The following LAMA2 variants were observed in gnomAD, a reference collection of about 807,000 sequenced individuals.
LAMA2 encodes laminin subunit alpha-2.
In LAMA2, 269 loss-of-function variants were observed where a neutral mutation model predicts 364.8. The observed-to-expected ratio is 0.74, with a 90% CI of 0.67 to 0.82. The LOEUF is 0.82. Among genes scored for constraint, LAMA2 ranks in the 40% least tolerant of loss-of-function variants. The probability of loss-of-function intolerance (pLI) is 0.00; values close to 1 mark genes in which losing one functional copy is unlikely to be tolerated. For missense variants in LAMA2, 3,807 were observed against 3,873.2 expected (o/e 0.98, Z 0.45); for synonymous variants, 1,379 against 1,370.6 (o/e 1.01, Z -0.14).
chr6:129,420,933 T>A (rs569710117), intron 40 of LAMA2, among the ~76,000 whole-genome samples: 1 of 152,308 alleles, frequency 6.6e-6, no homozygotes, highest in African/African-American at 2.4e-5. Flanking sequence ...TGTTTGTCTT[T>A]CCTCTTCCCT....
At chr6:128,961,661 G>T (rs1781530719) in intron 1 of LAMA2, among the ~76,000 whole-genome samples, 2 of 151,776 alleles carry the variant, frequency 1.3e-5, no homozygotes, top group South Asian at 4.2e-4. Context: ...TGATTAGATT[G>T]TGCCCACCAG....
At chr6:129,489,217 A>G (rs557509825) in intron 56 of LAMA2, among the ~76,000 whole-genome samples, 22 of 152,192 alleles carry the variant, frequency 1.4e-4, no homozygotes, top group Non-Finnish European at 3.1e-4. Context: ...TTTTCCTAAA[A>G]TCCTGGACAA....
chr6:129,477,105 T>A (rs1464467232), intron 53 of LAMA2, among the ~76,000 whole-genome samples: 2 of 152,226 alleles, frequency 1.3e-5, no homozygotes, highest in Non-Finnish European at 2.9e-5. Context: ...CGATGCTGAT[T>A]ACCACCACAT....
intron 3 of LAMA2, among the ~76,000 whole-genome samples, chr6:129,089,889 G>C (rs566277016): frequency 9.2e-5 from 14 of 152,168 alleles, no homozygotes; most frequent in African/African-American, 3.1e-4. Context: ...GAGACCTTAT[G>C]GGCCAACGAT....
At chr6:128,891,107 T>C (rs1776426418) in intron 1 of LAMA2, among the ~76,000 whole-genome samples, 1 of 152,126 alleles carries the variant, frequency 6.6e-6, no homozygotes. Context: ...GTTTTCTGTT[T>C]GATTTTTGTT....
chr6:129,388,405 T>C (rs1779143977), intron 35 of LAMA2, among the ~76,000 whole-genome samples: 1 of 152,246 alleles, frequency 6.6e-6, no homozygotes, highest in Non-Finnish European at 1.5e-5. Context: ...TGCACCTTAA[T>C]GATTGCTTCT....
chr6:129,220,890 G>A (rs551808514), intron 12 of LAMA2, among the ~76,000 whole-genome samples: 4 of 152,126 alleles, frequency 2.6e-5, no homozygotes, highest in South Asian at 4.1e-4. Context: ...GGCAAGGCAC[G>A]GTGGCTCATG....
chr6:129,365,876 AG>A (rs1433791036), intron 32 of LAMA2, among the ~76,000 whole-genome samples: 2 of 152,144 alleles, frequency 1.3e-5, no homozygotes, highest in African/African-American at 4.8e-5. Flanking sequence ...GTAGGGATTT[AG>A]GGGGTACTTT....
intron 12 of LAMA2, among the ~76,000 whole-genome samples, chr6:129,198,920 T>C (rs992278700): frequency 2.0e-5 from 3 of 152,128 alleles, no homozygotes; most frequent in African/African-American, 7.2e-5. Context: ...TTGCAAGTAA[T>C]ATCAATCAAA....
chr6:129,147,826 G>A (rs921382311), intron 6 of LAMA2, among the ~76,000 whole-genome samples: 1 of 152,070 alleles, frequency 6.6e-6, no homozygotes, highest in African/African-American at 2.4e-5. Context: ...GGATTATAAT[G>A]TTATCTCCTA....
intron 40 of LAMA2, among the ~76,000 whole-genome samples, chr6:129,404,464 T>C (rs547846815): frequency 6.6e-6 from 1 of 152,308 alleles, no homozygotes; most frequent in East Asian, 1.9e-4. Flanking sequence ...GCTCTTAACC[T>C]TTGGCTACAA....
At chr6:128,969,392 C>T (rs1782049906) in intron 1 of LAMA2, among the ~76,000 whole-genome samples, 1 of 152,096 alleles carries the variant, frequency 6.6e-6, no homozygotes, top group Non-Finnish European at 1.5e-5. Context: ...ATTACAACTT[C>T]CTACATAGTT....
intron 48 of LAMA2, 102 bp downstream of exon 48, chr6:129,456,596 C>T (rs1233968377): frequency 1.0e-5 from 11 of 1,076,840 alleles, no homozygotes; most frequent in East Asian, 7.1e-5. Flanking sequence ...AACTTGATCA[C>T]GTTTTACTTA....
intron 12 of LAMA2, among the ~76,000 whole-genome samples, chr6:129,222,492 C>A (rs183880218): frequency 3.5e-5 from 4 of 112,692 alleles, no homozygotes; most frequent in Admixed American, 1.1e-4. Flanking sequence ...TCCCTCCCCC[C>A]TCCCCCCACC....
chr6:129,102,822 A>C (rs1165185618), intron 4 of LAMA2, among the ~76,000 whole-genome samples: 5 of 152,182 alleles, frequency 3.3e-5, no homozygotes, highest in Non-Finnish European at 7.3e-5. Flanking sequence ...ATCTTAATTC[A>C]ATTTTAGGGA....
At chr6:129,445,879 G>C (rs1782345327) in intron 45 of LAMA2, 58 bp downstream of exon 45, 1 of 1,493,840 alleles carries the variant, frequency 6.7e-7, no homozygotes, top group Non-Finnish European at 9.3e-7. Flanking sequence ...ATTATTCATA[G>C]AGGGAATGTC....
intron 38 of LAMA2, among the ~76,000 whole-genome samples, chr6:129,402,003 T>A (rs1780003115): frequency 6.6e-6 from 1 of 151,160 alleles, no homozygotes; most frequent in Non-Finnish European, 1.5e-5. Context: ...AGCTCGGGAG[T>A]TCAAAACCAG....
intron 12 of LAMA2, among the ~76,000 whole-genome samples, chr6:129,242,885 A>T (rs1450907639): frequency 6.6e-6 from 1 of 152,134 alleles, no homozygotes; most frequent in Non-Finnish European, 1.5e-5. Flanking sequence ...GAAAACTTAA[A>T]GGAAACATTA....
In LAMA2 at chr6:129,050,092, T is replaced by C. The variant is rs1562190140; in HGVS notation, c.283+4T>C. 1 of 1,614,104 alleles carries C rather than the reference T, an allele frequency of 6.2e-7. No homozygotes were observed. On this transcript the variant is annotated splice_donor_region_variant and intron_variant, in intron 2 of 64. Transcript: ENST00000421865. ...CAAAACAGCAGCAATCCAAACCGTA[T>C]GTATTTTAGTGTGTAGGTGTGTGGC...
Sources: allele counts gnomAD v4.1 joint callset (sites outside exome capture counted in the v4.1 genomes callset), GRCh38; gene constraint gnomAD v4.1.1; transcripts MANE v1.5; gene names NCBI Gene and HGNC (gene_info 2026-07-23, HGNC 2026-07-21).